Variants in ANKRD44 observed in about 807,000 individuals in gnomAD.
ANKRD44 encodes ankyrin repeat domain 44.
Under a neutral mutation model 116.0 loss-of-function variants are expected in ANKRD44, and 35 were observed. The observed-to-expected ratio is 0.30, with a 90% CI of 0.23 to 0.40. The LOEUF is 0.40. ANKRD44 is among the 10% of genes least tolerant of loss of function. The pLI is 1.00. For missense variants in ANKRD44, 1,014 were observed against 1,242.6 expected, an observed-to-expected ratio of 0.82 and a Z score of 2.77; for synonymous variants, 435 against 461.8, an observed-to-expected ratio of 0.94 and a Z score of 0.74.
intron 1 of ANKRD44, among the ~76,000 whole-genome samples, chr2:197,264,038 C>T (rs1012868821): frequency 2.0e-5 from 3 of 152,054 alleles, no homozygotes; most frequent in Non-Finnish European, 2.9e-5. Context: ...GAGGATCACT[C>T]GAGCCTAGGA....
intron 16 of ANKRD44, chr2:197,028,840 AT>A (rs1181812530): frequency 3.5e-5 from 7 of 198,430 alleles, no homozygotes; most frequent in South Asian, 1.9e-4. Flanking sequence ...ACCAACTGTC[AT>A]TTTTTTCCTC....
chr2:197,273,980 A>AAAAT (rs1553546147), intron 1 of ANKRD44, among the ~76,000 whole-genome samples: 2 of 43,926 alleles, frequency 4.6e-5, no homozygotes, highest in African/African-American at 1.0e-4. Flanking sequence ...AAAAAAAAAA[A>AAAAT]ATATATATAT....
chr2:197,183,114 T>C (rs6731518), intron 2 of ANKRD44, among the ~76,000 whole-genome samples: 1,756 of 152,172 alleles, frequency 0.012, 17 homozygotes, highest in Admixed American at 0.022. Flanking sequence ...AGTTTATAAA[T>C]ACTATTGGGG....
chr2:196,989,850 T>TG, intron 27 of ANKRD44: 2 of 1,260,526 alleles, frequency 1.6e-6, no homozygotes. Context: ...ATGCTGATGA[T>TG]TCTGATGTTT....
At position 196,987,261 on chromosome 2, in the gene ANKRD44, C is replaced by A. The variant is rs1442538449; in HGVS notation, c.*2330G>T. ...TAGAAAACTTAAGCATTTTCATATT[C>A]ATTTCAATGCAAGTACAAGGGGAAA... On this transcript the variant is annotated 3_prime_UTR_variant, in exon 28 of 28. Coordinates refer to ENST00000282272, the MANE Select transcript of ANKRD44 (RefSeq NM_001195144.2). The A allele has an allele frequency of 2.6e-5, 26 of 984,838 alleles. No homozygotes were observed. Among genetic ancestry groups the A allele is most frequent in the Non-Finnish European group, 3.1e-5 (26 of 829,426 alleles). 61.0% of individuals were successfully genotyped at this position (984,838 alleles called of 1,614,324 possible).
intron 17 of ANKRD44, among the ~76,000 whole-genome samples, chr2:197,016,900 T>A (rs1229809067): frequency 6.6e-6 from 1 of 152,006 alleles, no homozygotes; most frequent in African/African-American, 2.4e-5. Context: ...TTCCTTAATA[T>A]ATAAAGAACT....
intron 1 of ANKRD44, among the ~76,000 whole-genome samples, chr2:197,293,160 G>A (rs1359590700): frequency 6.6e-6 from 1 of 152,080 alleles, no homozygotes; most frequent in Non-Finnish European, 1.5e-5. Context: ...GATCCCAAGA[G>A]GAGAAAAAGA....
At position 196,987,880 on chromosome 2, in the gene ANKRD44, A is replaced by AT; in HGVS notation, c.*1710dup. 3 of 982,562 alleles carry AT rather than the reference A, an allele frequency of 3.1e-6. No individual in the cohort carries two copies. The highest frequency in any genetic ancestry group is 3.6e-6 in the Non-Finnish European group (3 of 827,344). 60.9% of individuals were successfully genotyped at this position (982,562 alleles called of 1,614,324 possible). A position where few individuals can be genotyped will look rare whatever the true frequency, so the allele number is the denominator to read the frequency against. ...AAAGCTATGGTGCAAACATAATTTT[A>AT]TTTCTAAGAGATGTAATTAAAATAC... On this transcript the variant is annotated 3_prime_UTR_variant, in exon 28 of 28. Transcript: ENST00000282272.
At chr2:197,106,656 G>A (rs571030963) in intron 9 of ANKRD44, among the ~76,000 whole-genome samples, 1 of 151,174 alleles carries the variant, frequency 6.6e-6, no homozygotes, top group African/African-American at 2.4e-5. Context: ...TGGGCGTGGT[G>A]GCAGGCGCAT....
intron 16 of ANKRD44, among the ~76,000 whole-genome samples, chr2:197,041,227 C>T (rs2076904940): frequency 6.6e-6 from 1 of 152,142 alleles, no homozygotes; most frequent in South Asian, 2.1e-4. Flanking sequence ...ACTGGATTTC[C>T]AATGAACTCT....
chr2:197,173,167 T>C (rs557647465), intron 2 of ANKRD44, among the ~76,000 whole-genome samples: 17 of 152,342 alleles, frequency 1.1e-4, no homozygotes, highest in Non-Finnish European at 2.2e-4. Flanking sequence ...CAACAATTTC[T>C]ATAAGCAAAA....
In ANKRD44 at chr2:197,280,644, G is replaced by A. The variant is rs117159422; in HGVS notation, c.27+29934C>T. Reference sequence around the variant, plus strand: ...TAGCCACGGTCTTGATAAGCCTCGCGGATGAGATTTTGGCGGACTAGGGAT... The same window carrying A: ...TAGCCACGGTCTTGATAAGCCTCGCAGATGAGATTTTGGCGGACTAGGGAT... On this transcript the variant is annotated intron_variant, in intron 1 of 27. Coordinates refer to ENST00000282272, the MANE Select transcript of ANKRD44 (RefSeq NM_001195144.2). Among the ~76,000 whole-genome samples, 88 of 152,282 alleles carry A rather than the reference G, an allele frequency of 5.8e-4. 1 individual carries two copies. The East Asian group carries it at 0.014, about 25-fold the overall frequency.
intron 1 of ANKRD44, among the ~76,000 whole-genome samples, chr2:197,308,383 T>C (rs1473826652): frequency 2.6e-5 from 4 of 152,124 alleles, no homozygotes; most frequent in African/African-American, 4.8e-5. Flanking sequence ...CTTCTAAGAA[T>C]TGAGTCTCAA....
intron 1 of ANKRD44, among the ~76,000 whole-genome samples, chr2:197,219,070 C>CTTTT (rs1185156257): frequency 8.8e-6 from 1 of 113,070 alleles, no homozygotes; most frequent in Non-Finnish European, 1.9e-5. Context: ...GCTAAAGTTC[C>CTTTT]TTTTTTTTTT....
chr2:197,082,237 C>T (rs2077814089), intron 14 of ANKRD44, among the ~76,000 whole-genome samples: 1 of 152,190 alleles, frequency 6.6e-6, no homozygotes, highest in Admixed American at 6.6e-5. Context: ...CAATGAATTG[C>T]CTGGAGCTTG....
chr2:197,134,900 C>G (rs573693459), intron 4 of ANKRD44: 3 of 152,282 alleles, frequency 2.0e-5, no homozygotes, highest in Admixed American at 1.3e-4. Context: ...GGGTTGGTCT[C>G]ATGAAGCTGG....
At chr2:197,241,855 C>T (rs1265613199) in intron 1 of ANKRD44, among the ~76,000 whole-genome samples, 3 of 152,000 alleles carry the variant, frequency 2.0e-5, no homozygotes, top group South Asian at 4.1e-4. Flanking sequence ...TTAAAGAGTT[C>T]CTCCTCTGCT....
chr2:197,002,081 A>G (rs1316619482), intron 21 of ANKRD44, among the ~76,000 whole-genome samples: 2 of 152,242 alleles, frequency 1.3e-5, no homozygotes, highest in East Asian at 3.8e-4. Flanking sequence ...AGAGAGACAG[A>G]GAAGATGACT....
chr2:197,289,340 C>G (rs965370892), intron 1 of ANKRD44, among the ~76,000 whole-genome samples: 2 of 152,072 alleles, frequency 1.3e-5, no homozygotes, highest in Admixed American at 6.6e-5. Context: ...ATGGTACGAC[C>G]ACTTTGAAAA....
Sources: gnomAD v4.1 joint callset for allele counts (sites outside exome capture counted in the v4.1 genomes callset) on GRCh38, gnomAD v4.1.1 for gene constraint, MANE v1.5 for transcripts, NCBI Gene and HGNC (gene_info 2026-07-23, HGNC 2026-07-21) for gene names.